CACFD1: variants seen among roughly 807,000 people sequenced by gnomAD.
The protein encoded by CACFD1 is calcium channel flower domain containing 1, also known as calcium channel flower homolog.
In CACFD1, 26 loss-of-function variants were observed where a neutral mutation model predicts 21.3. That is an observed-to-expected ratio of 1.22 (90% confidence interval 0.89 to 1.69). The LOEUF (loss-of-function observed/expected upper bound fraction) is 1.69. Ranked by LOEUF, CACFD1 falls within the 40% of genes most tolerant of loss-of-function variation. The probability of loss-of-function intolerance (pLI) is 0.00; values close to 1 mark genes in which losing one functional copy is unlikely to be tolerated. For missense variants in CACFD1, 265 were observed against 236.2 expected (o/e 1.12, Z -0.80); for synonymous variants, 121 against 106.6 (o/e 1.13, Z -0.83).
At chr9:133,460,519 T>TC (rs200717228) in intron 1 of CACFD1, among the ~76,000 whole-genome samples, 4,984 of 90,566 alleles carry the variant, frequency 0.055, 116 homozygotes, top group Non-Finnish European at 0.097. Context: ...GACTGAGCCC[T>TC]CCCCCCGCTC....
chr9:133,460,086 C>T lies in CACFD1; in HGVS notation c.20C>T (p.Ala7Val), dbSNP rs1554797899. ...GGCACCATGAGCAGCTCAGGTGGGG[C>T]GCCCGGGGCGTCCGCCAGCTCTGCG... is the stretch of plus-strand genomic sequence containing the variant. MSSSGG[A>V]PGASASSAPP... The change falls in exon 1 of 5, where the codon GCG (alanine) becomes GTG (valine). Residue 7 changes from alanine to valine, a missense_variant. By Grantham distance (64) the Ala-to-Val change is moderately conservative. Coordinates refer to ENST00000316948, the MANE Select transcript of CACFD1 (RefSeq NM_017586.5). The T allele has an allele frequency of 1.3e-5, 20 of 1,562,630 alleles. No homozygotes were observed. The East Asian group carries it at 1.4e-4, about 11-fold the overall frequency.
intron 4 of CACFD1, chr9:133,468,245 G>A: frequency 7.0e-7 from 1 of 1,419,006 alleles, no homozygotes; most frequent in Non-Finnish European, 9.4e-7. Context: ...GTCACGGCCT[G>A]CAGCAAGGAT....
At chr9:133,463,651 T>G (rs1262994181) in intron 2 of CACFD1, 96 bp downstream of exon 2, 5 of 1,299,748 alleles carry the variant, frequency 3.8e-6, no homozygotes, top group Non-Finnish European at 4.4e-6. Context: ...GCCGTGGGAG[T>G]GGGCATCCTT....
chr9:133,468,813 G>A lies in CACFD1; in HGVS notation c.*160G>A. On this transcript the variant is annotated 3_prime_UTR_variant, in exon 5 of 5. Transcript: ENST00000316948. Reference sequence around the variant, plus strand: ...CCTTTCTCCAGACTGGCTTAAGCCAGGAGCCACTGGCTGCTGGTGTGAGGG... The same window carrying A: ...CCTTTCTCCAGACTGGCTTAAGCCAAGAGCCACTGGCTGCTGGTGTGAGGG... The A allele has an allele frequency of 7.8e-7, 1 of 1,287,174 alleles. No individual in the cohort carries two copies. Among genetic ancestry groups the A allele is most frequent in the East Asian group, 2.6e-5 (1 of 38,646 alleles). The allele number at this position is 1,287,174 out of a possible 1,614,324, so 79.7% of individuals were successfully genotyped here.
intron 1 of CACFD1, 132 bp from the exon 2 acceptor site, chr9:133,463,351 C>T (rs1843293987): frequency 1.3e-6 from 2 of 1,537,428 alleles, no homozygotes; most frequent in African/African-American, 1.4e-5. Flanking sequence ...GGGCAGGCTT[C>T]TGGGTGCTGT....
chr9:133,461,373 A>G, intron 1 of CACFD1, among the ~76,000 whole-genome samples: 1 of 152,228 alleles, frequency 6.6e-6, no homozygotes, highest in East Asian at 1.9e-4. Flanking sequence ...CCCAAATCAC[A>G]AAAAGGCCCC....
intron 2 of CACFD1, among the ~76,000 whole-genome samples, chr9:133,464,517 G>C (rs937896840): frequency 1.3e-5 from 2 of 151,992 alleles, no homozygotes; most frequent in Non-Finnish European, 2.9e-5. Flanking sequence ...TGCCTGCCCC[G>C]GGCTTGGGGT....
At chr9:133,461,978 G>A in intron 1 of CACFD1, 3 of 985,396 alleles carry the variant, frequency 3.0e-6, no homozygotes, top group Non-Finnish European at 3.6e-6. Flanking sequence ...ATCTGGAGGT[G>A]ATACCTTGGG....
Position 133,468,901 on chromosome 9 carries a change from C to T in CACFD1, c.*248C>T, listed in dbSNP as rs1843560459. ...TGTGTGGACACTACCCAGCCCTACT[C>T]CTCTGCTGGGTGGGTCTGCAGATCT... On this transcript the variant is annotated 3_prime_UTR_variant, in exon 5 of 5. Transcript: ENST00000316948. The T allele has an allele frequency of 1.8e-5, 10 of 562,684 alleles. No homozygotes were observed. The East Asian group carries it at 2.8e-4, about 16-fold the overall frequency. The allele number at this position is 562,684 out of a possible 1,614,324, so 34.9% of individuals were successfully genotyped here. A position where few individuals can be genotyped will look rare whatever the true frequency, so the allele number is the denominator to read the frequency against.
chr9:133,468,509 G>A, intron 4 of CACFD1, 54 bp from the exon 5 acceptor site: 14 of 1,549,420 alleles, frequency 9.0e-6, no homozygotes, highest in Non-Finnish European at 1.1e-5. Flanking sequence ...TGGTCAGGAG[G>A]GCTGTGGGCA....
rs1433658082 is a variant in CACFD1 at position 133,470,215 on chromosome 9, G to GTGTGTATGTATA, written c.*1567_*1568insATGTATATGTGT. 1 of 139,674 alleles carries GTGTGTATGTATA rather than the reference G, an allele frequency of 7.2e-6. No individual in the cohort carries two copies. Among genetic ancestry groups the GTGTGTATGTATA allele is most frequent in the Non-Finnish European group, 1.6e-5 (1 of 61,652 alleles). The allele number at this position is 139,674 out of a possible 1,614,324, so 8.7% of individuals were successfully genotyped here. On this transcript the variant is annotated 3_prime_UTR_variant, in exon 5 of 5. Coordinates refer to ENST00000316948, the MANE Select transcript of CACFD1 (RefSeq NM_017586.5). ...TGTGTGTGTGTGTGTGTGTGTGTGT[G>GTGTGTATGTATA]TGTGTGTGTGTATGTATATGTGTGT...
intron 3 of CACFD1, among the ~76,000 whole-genome samples, chr9:133,467,123 A>G (rs1358413394): frequency 1.3e-5 from 2 of 152,250 alleles, no homozygotes; most frequent in African/African-American, 4.8e-5. Context: ...GGTAGAATGC[A>G]ATTGGCCACG....
rs1402106297 is a variant in CACFD1, at chr9:133,465,745, G to A, written c.320+298G>A. The stretch of plus-strand genomic sequence containing the variant: ...AAAGTGGGAAGCGTCTGGAATTTTG[G>A]TCCGTCCACTGGGAGTTGTTAACCA... On this transcript the variant is annotated intron_variant, in intron 3 of 4. Transcript: ENST00000316948. The surrounding 1 kb of genome is among the most constrained non-coding windows in gnomAD (Gnocchi z 5.0). The A allele has an allele frequency of 2.9e-6, 1 of 342,262 alleles. No individual in the cohort carries two copies. Among genetic ancestry groups the A allele is most frequent in the Admixed American group, 4.6e-5 (1 of 21,852 alleles). 21.2% of individuals were successfully genotyped at this position (342,262 alleles called of 1,614,324 possible).
Position 133,465,492 on chromosome 9 carries a change from C to T in CACFD1, c.320+45C>T. ...GGTCCCGTGACACAGTTCCCCAAAA[C>T]CCCACTGACAAAATAGGACCCAAAA... On this transcript the variant is annotated intron_variant, in intron 3 of 4. Transcript: ENST00000316948. This position sits in a 1 kb window ranked among gnomAD's most constrained non-coding sequence, Gnocchi z 5.0. The T allele has an allele frequency of 6.4e-7, 1 of 1,566,428 alleles. No individual in the cohort carries two copies. The highest frequency in any genetic ancestry group is 8.7e-7 in the Non-Finnish European group (1 of 1,153,824).
Position 133,460,282 on chromosome 9 carries a change from G to A in CACFD1, c.121+95G>A, listed in dbSNP as rs886584863. 5 of 1,166,874 alleles carry A rather than the reference G, an allele frequency of 4.3e-6. No homozygotes were observed. In the African/African-American group the frequency reaches 6.5e-5, roughly 15 times the overall value. 72.3% of individuals were successfully genotyped at this position (1,166,874 alleles called of 1,614,324 possible). ...CCGCCCCGGCGGCCCCAGGGGAAAGGACCCGCTGGGGGTCGGGGGTCTGCC... is the reference window on the plus strand; with the variant it reads ...CCGCCCCGGCGGCCCCAGGGGAAAGAACCCGCTGGGGGTCGGGGGTCTGCC... On this transcript the variant is annotated intron_variant, in intron 1 of 4. Transcript: ENST00000316948.
intron 1 of CACFD1, among the ~76,000 whole-genome samples, chr9:133,460,682 A>G (rs1045017814): frequency 1.3e-5 from 2 of 152,144 alleles, no homozygotes; most frequent in Non-Finnish European, 2.9e-5. Context: ...AGGCGGGTGC[A>G]CGGCTGGCTA....
At position 133,470,605 on chromosome 9, in the gene CACFD1, G is replaced by A. The variant is rs1314026448; in HGVS notation, c.*1952G>A. 2 of 152,358 alleles carry A rather than the reference G, an allele frequency of 1.3e-5. No homozygotes were observed. Among genetic ancestry groups the A allele is most frequent in the African/African-American group, 4.8e-5 (2 of 41,466 alleles). The allele number at this position is 152,358 out of a possible 1,614,324, so 9.4% of individuals were successfully genotyped here. On this transcript the variant is annotated 3_prime_UTR_variant, in exon 5 of 5. Transcript: ENST00000316948. ...GGTCCCTGACCCTGTCGCCCAGGGG[G>A]CGTGCTGTCCAGCAGGGGCCCTGCC...
In CACFD1 at chr9:133,460,249, G is replaced by A. The variant is rs917342986; in HGVS notation, c.121+62G>A. 26 of 1,351,362 alleles carry A rather than the reference G, an allele frequency of 1.9e-5. No individual in the cohort carries two copies. In the Middle Eastern group the frequency reaches 7.7e-4, roughly 40 times the overall value. The allele number at this position is 1,351,362 out of a possible 1,614,324, so 83.7% of individuals were successfully genotyped here. ...GCGCATGCGCTCCTCGCCCTGCCCT[G>A]CCCCGCCCCGCCCCGGCGGCCCCAG... is the stretch of plus-strand genomic sequence containing the variant. On this transcript the variant is annotated intron_variant, in intron 1 of 4. Coordinates refer to ENST00000316948, the MANE Select transcript of CACFD1 (RefSeq NM_017586.5).
chr9:133,468,164 C>T (rs966754871), intron 4 of CACFD1, 136 bp downstream of exon 4: 1 of 1,024,996 alleles, frequency 9.8e-7, no homozygotes, highest in Non-Finnish European at 1.4e-6. Flanking sequence ...CTCATTGGTG[C>T]CTCCAGGGCT....
Sources: gnomAD v4.1 joint callset for allele counts (sites outside exome capture counted in the v4.1 genomes callset) on GRCh38, gnomAD v4.1.1 for gene constraint, Gnocchi (gnomAD v3.1) non-coding constraint, MANE v1.5 for transcripts, NCBI Gene and HGNC (gene_info 2026-07-23, HGNC 2026-07-21) for gene names.